The following GLT1D1 variants were observed in gnomAD, a reference collection of about 807,000 sequenced individuals.
GLT1D1 encodes the protein glycosyltransferase 1 domain containing 1.
Under a neutral mutation model 28.7 loss-of-function variants are expected in GLT1D1, and 21 were observed. That is an observed-to-expected ratio of 0.73 (90% CI 0.52 to 1.05). The LOEUF is 1.05. Ranked by LOEUF, GLT1D1 falls within the 50% of genes least tolerant of loss-of-function variation. The pLI is 0.00. For synonymous variants in GLT1D1, 147 were observed against 124.8 expected (o/e 1.18, Z -1.19); for missense variants, 343 against 330.6 (o/e 1.04, Z -0.29).
chr12:128,900,212 C>G (rs531793695), intron 4 of GLT1D1, among the ~76,000 whole-genome samples: 1 of 152,350 alleles, frequency 6.6e-6, no homozygotes, highest in African/African-American at 2.4e-5. Context: ...GCGGTGGGAA[C>G]TGCATTGAGC....
At chr12:128,921,676 C>T (rs1265531783) in intron 4 of GLT1D1, among the ~76,000 whole-genome samples, 1 of 151,958 alleles carries the variant, frequency 6.6e-6, no homozygotes, top group Non-Finnish European at 1.5e-5. Flanking sequence ...GTTGGAGGGC[C>T]ACTTTTTTAC....
chr12:128,955,722 C>T (rs1877207717), intron 6 of GLT1D1, among the ~76,000 whole-genome samples: 1 of 152,064 alleles, frequency 6.6e-6, no homozygotes, highest in Non-Finnish European at 1.5e-5. Context: ...CTATTTCCAG[C>T]TGGGACTCCA....
chr12:128,941,905 C>CTTT (rs60663875), intron 4 of GLT1D1, among the ~76,000 whole-genome samples: 4 of 75,344 alleles, frequency 5.3e-5, no homozygotes, highest in Non-Finnish European at 9.5e-5. Context: ...CTCTCTCTCT[C>CTTT]TTTTTTTTTT....
At chr12:128,862,738 G>T (rs1166907400) in intron 1 of GLT1D1, among the ~76,000 whole-genome samples, 2 of 152,192 alleles carry the variant, frequency 1.3e-5, no homozygotes, top group East Asian at 3.9e-4. Flanking sequence ...TACACACAGA[G>T]CCGGCGTCAG....
In GLT1D1 at chr12:128,865,714, C is replaced by T. The variant is rs144446589; in HGVS notation, c.69-10200C>T. ...GCATGCGCCTATAATCCCAGCTACT[C>T]GGGAGGCGGAGGCAGGAGAATCGCT... On this transcript the variant is annotated intron_variant, in intron 1 of 7. Coordinates refer to ENST00000281703, the MANE Select transcript of GLT1D1 (RefSeq NM_144669.3). Among the ~76,000 whole-genome samples, 317 of 152,094 alleles carry T rather than the reference C, an allele frequency of 2.1e-3. 1 individual carries two copies. Among genetic ancestry groups the T allele is most frequent in the African/African-American group, 6.7e-3 (276 of 41,492 alleles).
intron 4 of GLT1D1, among the ~76,000 whole-genome samples, chr12:128,916,520 T>C (rs1369113608): frequency 6.6e-6 from 1 of 152,072 alleles, no homozygotes; most frequent in Non-Finnish European, 1.5e-5. Context: ...ACCGGTGGAG[T>C]AGACAGTCTT....
chr12:128,926,555 C>T, intron 4 of GLT1D1, 101 bp downstream of exon 7: 1 of 641,830 alleles, frequency 1.6e-6, no homozygotes, highest in Non-Finnish European at 2.8e-6. Flanking sequence ...TTTCCTCATT[C>T]TTTGCACGTG....
intron 1 of GLT1D1, among the ~76,000 whole-genome samples, chr12:128,867,438 G>GA (rs140709006): frequency 0.047 from 6,335 of 133,418 alleles, 208 homozygotes; most frequent in Middle Eastern, 0.096. Flanking sequence ...AAAAGGAAAA[G>GA]AAAAAAAAGA....
intron 4 of GLT1D1, among the ~76,000 whole-genome samples, chr12:128,943,871 A>G (rs1235290290): frequency 6.6e-6 from 1 of 152,230 alleles, no homozygotes; most frequent in Non-Finnish European, 1.5e-5. Context: ...CTGTGCAAAC[A>G]TTTCTGATCA....
At chr12:128,901,365 C>T (rs147175245) in intron 4 of GLT1D1, among the ~76,000 whole-genome samples, 6,417 of 152,106 alleles carry the variant, frequency 0.042, 405 homozygotes, top group African/African-American at 0.15. Context: ...AGTGATCTGC[C>T]CTCCTCAGCC....
chr12:128,982,902 T>C (rs1880476250), intron 7 of GLT1D1, 27 bp from the exon 12 acceptor site: 3 of 1,611,328 alleles, frequency 1.9e-6, no homozygotes, highest in Non-Finnish European at 2.5e-6. Context: ...CAGTGATTTA[T>C]GTCTACTTCT....
chr12:128,915,363 A>G (rs149307796), intron 4 of GLT1D1, among the ~76,000 whole-genome samples: 1 of 149,754 alleles, frequency 6.7e-6, no homozygotes, highest in East Asian at 1.9e-4. Context: ...AGAATATGCA[A>G]CACATTTTTT....
intron 4 of GLT1D1, among the ~76,000 whole-genome samples, chr12:128,910,263 TC>T (rs1454346307): frequency 2.3e-4 from 28 of 120,470 alleles, no homozygotes; most frequent in African/African-American, 6.8e-4. Flanking sequence ...CAAGTTTAAC[TC>T]TTTTTTTTTT....
At chr12:128,949,064 T>G (rs977561048) in intron 6 of GLT1D1, among the ~76,000 whole-genome samples, 12 of 152,234 alleles carry the variant, frequency 7.9e-5, no homozygotes, top group African/African-American at 2.9e-4. Flanking sequence ...ACCTCCCAAC[T>G]GCAGTCCTCG....
chr12:128,885,695 G>A (rs1957159483), intron 2 of GLT1D1, among the ~76,000 whole-genome samples: 2 of 152,192 alleles, frequency 1.3e-5, no homozygotes, highest in Admixed American at 1.3e-4. Context: ...TGACATATAT[G>A]AGTTATTGCT....
intron 4 of GLT1D1, among the ~76,000 whole-genome samples, chr12:128,908,069 G>T (rs1454912412): frequency 6.6e-6 from 1 of 152,160 alleles, no homozygotes; most frequent in Admixed American, 6.5e-5. Context: ...GTCACGGGTT[G>T]TTCTTTTAAA....
chr12:128,976,591 A>AAC (rs1879785344), intron 7 of GLT1D1, among the ~76,000 whole-genome samples: 1 of 152,198 alleles, frequency 6.6e-6, no homozygotes, highest in Non-Finnish European at 1.5e-5. Context: ...TGTTTAGTTT[A>AAC]ACACACCAAG....
At chr12:128,961,984 C>A (rs1334470091) in intron 7 of GLT1D1, among the ~76,000 whole-genome samples, 1 of 152,152 alleles carries the variant, frequency 6.6e-6, no homozygotes, top group Non-Finnish European at 1.5e-5. Context: ...CCCTTCCTGA[C>A]ACTTGTGTCC....
intron 1 of GLT1D1, among the ~76,000 whole-genome samples, chr12:128,870,888 G>A (rs961770097): frequency 6.6e-6 from 1 of 152,140 alleles, no homozygotes; most frequent in Non-Finnish European, 1.5e-5. Context: ...CTATTCTGGA[G>A]GCTGAGACAC....
Sources: allele counts gnomAD v4.1 joint callset (sites outside exome capture counted in the v4.1 genomes callset), GRCh38; gene constraint gnomAD v4.1.1; transcripts MANE v1.5; gene names NCBI Gene and HGNC (gene_info 2026-07-23, HGNC 2026-07-21).